The following LRP1B variants were observed in gnomAD, a reference collection of about 807,000 sequenced individuals.
LRP1B encodes the protein LDL receptor related protein 1B, also known as low-density lipoprotein receptor-related protein 1B.
Under a neutral mutation model 556.6 loss-of-function variants are expected in LRP1B, and 217 were observed. The ratio of observed to expected loss-of-function variants is 0.39; its 90% CI spans 0.35 to 0.44. The LOEUF (loss-of-function observed/expected upper bound fraction) is 0.44. Ranked by LOEUF, LRP1B falls within the 20% of genes least tolerant of loss-of-function variation. LRP1B has a pLI of 1.00. For synonymous variants in LRP1B, 2,047 were observed against 1,865.8 expected (o/e 1.10, Z -2.50); for missense variants, 5,053 against 5,620.8 (o/e 0.90, Z 3.23).
At chr2:140,252,627 A>G (rs532843951) in intron 86 of LRP1B, among the ~76,000 whole-genome samples, 2 of 152,202 alleles carry the variant, frequency 1.3e-5, no homozygotes, top group African/African-American at 4.8e-5. Flanking sequence ...GGAGAGTACC[A>G]GGCTCTAATT....
At chr2:141,025,968 G>A (rs1698206178) in intron 11 of LRP1B, among the ~76,000 whole-genome samples, 1 of 152,002 alleles carries the variant, frequency 6.6e-6, no homozygotes, top group East Asian at 1.9e-4. Context: ...ATAGATCATT[G>A]TACAATATTC....
chr2:142,083,251 C>T (rs957202838), intron 1 of LRP1B, among the ~76,000 whole-genome samples: 3 of 152,214 alleles, frequency 2.0e-5, no homozygotes, highest in African/African-American at 7.2e-5. Context: ...CATCTCACTA[C>T]TTCCAACCCT....
chr2:141,830,931 C>G (rs187504043), intron 1 of LRP1B, among the ~76,000 whole-genome samples: 1 of 151,778 alleles, frequency 6.6e-6, no homozygotes, highest in Non-Finnish European at 1.5e-5. Context: ...AAAAATTCTC[C>G]TGGTGCTCAT....
chr2:141,112,052 A>AAATAAATAAATAAATAAATAAAT (rs1190075497), intron 7 of LRP1B, among the ~76,000 whole-genome samples: 1 of 91,702 alleles, frequency 1.1e-5, no homozygotes, highest in African/African-American at 3.6e-5. Context: ...CCTCAAAAAT[A>AAATAAATAAATAAATAAATAAAT]AATAAATAAA....
At chr2:140,920,259 G>T (rs558133745) in intron 21 of LRP1B, among the ~76,000 whole-genome samples, 2 of 152,012 alleles carry the variant, frequency 1.3e-5, no homozygotes, top group African/African-American at 4.8e-5. Flanking sequence ...GGTCCTTTGA[G>T]ATTAGAAGTT....
chr2:140,277,437 A>C (rs1347739782), intron 84 of LRP1B, among the ~76,000 whole-genome samples: 1 of 151,756 alleles, frequency 6.6e-6, no homozygotes, highest in Non-Finnish European at 1.5e-5. Flanking sequence ...AATACAAAAA[A>C]TTAGCTGGAT....
chr2:141,474,959 G>A (rs992075865), intron 3 of LRP1B, among the ~76,000 whole-genome samples: 3 of 152,156 alleles, frequency 2.0e-5, no homozygotes, highest in Non-Finnish European at 4.4e-5. Flanking sequence ...AGTCACTTTT[G>A]CTAGTGATAT....
intron 3 of LRP1B, among the ~76,000 whole-genome samples, chr2:141,295,922 A>G (rs1686169485): frequency 1.3e-5 from 2 of 152,030 alleles, no homozygotes; most frequent in African/African-American, 2.4e-5. Context: ...AAAACTTATC[A>G]CCTGAGTCTG....
intron 1 of LRP1B, among the ~76,000 whole-genome samples, chr2:141,938,408 T>C (rs1700699739): frequency 6.6e-6 from 1 of 152,172 alleles, no homozygotes; most frequent in African/African-American, 2.4e-5. Flanking sequence ...GTAAGGTTGG[T>C]TAGGATGACC....
intron 3 of LRP1B, among the ~76,000 whole-genome samples, chr2:141,444,859 G>A (rs1382957448): frequency 6.6e-6 from 1 of 152,170 alleles, no homozygotes; most frequent in African/African-American, 2.4e-5. Flanking sequence ...TCTCATGGAT[G>A]TTCATCAGGG....
At chr2:141,098,259 AATATC>A (rs1158795788) in intron 7 of LRP1B, among the ~76,000 whole-genome samples, 1 of 152,126 alleles carries the variant, frequency 6.6e-6, no homozygotes, top group Non-Finnish European at 1.5e-5. Context: ...AGGAAAATAA[AATATC>A]ATATATGAAT....
chr2:140,524,162 G>C (rs774592820), intron 49 of LRP1B, among the ~76,000 whole-genome samples: 1 of 151,484 alleles, frequency 6.6e-6, no homozygotes, highest in Non-Finnish European at 1.5e-5. Context: ...AAAATGGGTC[G>C]AGTATAGAAA....
intron 4 of LRP1B, among the ~76,000 whole-genome samples, chr2:141,249,845 A>T (rs1470983773): frequency 6.6e-6 from 1 of 151,800 alleles, no homozygotes; most frequent in Admixed American, 6.6e-5. Flanking sequence ...AAAGAAGGGG[A>T]CATAGTCACA....
rs60275697 is a variant in LRP1B, at chr2:141,108,334, C to CTTTTTTTTTTT, written c.1014-46072_1014-46062dup. Among the ~76,000 whole-genome samples the CTTTTTTTTTTT allele has an allele frequency of 6.4e-4, 57 of 88,510 alleles. 4 individuals are homozygous for CTTTTTTTTTTT. The highest frequency in any genetic ancestry group is 2.1e-3 in the African/African-American group (43 of 20,722). 58.1% of individuals were successfully genotyped at this position (88,510 alleles called of 152,430 possible). A position where few individuals can be genotyped will look rare whatever the true frequency, so the allele number is the denominator to read the frequency against. ...ACAAAAATATGTTTATAATCTGTTT[C>CTTTTTTTTTTT]TTTTTTTTTTTTTTTTTTTTTTTTT... is the stretch of plus-strand genomic sequence containing the variant. On this transcript the variant is annotated intron_variant, in intron 7 of 90. Transcript: ENST00000389484.
intron 20 of LRP1B, among the ~76,000 whole-genome samples, chr2:140,940,153 G>C (rs988228652): frequency 6.6e-6 from 1 of 151,994 alleles, no homozygotes; most frequent in Admixed American, 6.6e-5. Context: ...CCAAAATGCC[G>C]TGATTACAGG....
chr2:141,365,655 CT>C lies in LRP1B; in HGVS notation c.344-111015del, dbSNP rs781538829. Among the ~76,000 whole-genome samples the C allele has an allele frequency of 1.9e-3, 231 of 121,118 alleles. 2 individuals carry two copies. The East Asian group carries it at 0.027, about 14-fold the overall frequency. 79.5% of individuals were successfully genotyped at this position (121,118 alleles called of 152,430 possible). ...TTTTTGTTTTGGTTTGTTTTTGTTG[CT>C]TTTTTTTTTTTTTTGAGACAGAGTC... On this transcript the variant is annotated intron_variant, in intron 3 of 90. Coordinates refer to ENST00000389484, the MANE Select transcript of LRP1B (RefSeq NM_018557.3).
intron 66 of LRP1B, among the ~76,000 whole-genome samples, chr2:140,406,194 A>G (rs936878699): frequency 1.3e-5 from 2 of 152,144 alleles, no homozygotes; most frequent in Non-Finnish European, 2.9e-5. Context: ...ACTTATGTCA[A>G]AATAACCACA....
chr2:141,853,313 A>C (rs1697928336), intron 1 of LRP1B, among the ~76,000 whole-genome samples: 2 of 151,750 alleles, frequency 1.3e-5, no homozygotes, highest in South Asian at 2.1e-4. Flanking sequence ...TCACCATTTA[A>C]GTTATAACGG....
intron 2 of LRP1B, among the ~76,000 whole-genome samples, chr2:141,494,629 A>G (rs767848555): frequency 1.3e-5 from 2 of 151,762 alleles, no homozygotes; most frequent in Non-Finnish European, 2.9e-5. Context: ...TTGAACCATT[A>G]AACAACTGCT....
Sources: allele counts gnomAD v4.1 joint callset (sites outside exome capture counted in the v4.1 genomes callset), GRCh38; gene constraint gnomAD v4.1.1; transcripts MANE v1.5; gene names NCBI Gene and HGNC (gene_info 2026-07-23, HGNC 2026-07-21).